The following MYBPH variants were observed in gnomAD, a reference collection of about 807,000 sequenced individuals.
MYBPH encodes the protein myosin-binding protein H.
A neutral mutation model predicts 53.6 loss-of-function variants in MYBPH; 49 were observed. That is an observed-to-expected ratio of 0.91 (90% CI 0.73 to 1.16). The LOEUF is 1.16. MYBPH is among the 50% of genes most tolerant of loss of function. The pLI, the probability that MYBPH is intolerant of heterozygous loss-of-function variation, is 0.00. For missense variants in MYBPH, 558 were observed against 624.1 expected (o/e 0.89, Z 1.13); for synonymous variants, 239 against 249.6 (o/e 0.96, Z 0.40).
rs561615786 is a variant in MYBPH at position 203,173,335 on chromosome 1, A to C, written c.508+1095T>G. On this transcript the variant is annotated intron_variant, in intron 3 of 10. Transcript: ENST00000255416. The stretch of plus-strand genomic sequence containing the variant: ...CAGCTGCCTGGTGGGGCCACATCTC[A>C]CCTAGAGCCAAAGGCTGGGAATTAG... 2.0e-5 allele frequency among the ~76,000 whole-genome samples: 3 copies of C among 152,220 alleles called. No individual in the cohort carries two copies. The East Asian group carries it at 5.8e-4, about 29-fold the overall frequency.
At chr1:203,177,755 C>T (rs1198570948), upstream of MYBPH, among the ~76,000 whole-genome samples, 1 of 152,248 alleles carries the variant, frequency 6.6e-6, no homozygotes, top group Non-Finnish European at 1.5e-5. Context: ...GTTGGCTGCC[C>T]ACAAGGGCTT....
chr1:203,176,120 GA>G (rs768136277), upstream of MYBPH, among the ~76,000 whole-genome samples: 4 of 152,216 alleles, frequency 2.6e-5, no homozygotes, highest in Non-Finnish European at 5.9e-5. Flanking sequence ...ATAGGAGGAA[GA>G]ACTTCTATCT....
chr1:203,170,585 C>T, intron 6 of MYBPH, 135 bp from the exon 7 acceptor site: 1 of 1,195,436 alleles, frequency 8.4e-7, no homozygotes, highest in South Asian at 1.6e-5. Flanking sequence ...CTTTGGGCCT[C>T]AGGGACATTG....
chr1:203,171,307 C>T lies in MYBPH; in HGVS notation c.793+76G>A, dbSNP rs1655690704. ...CCACACTCCCTTGGCCTGCTCCCATCAGCCATCAGCTCTGGGATAGGAGGT... is the reference window on the plus strand; with the variant it reads ...CCACACTCCCTTGGCCTGCTCCCATTAGCCATCAGCTCTGGGATAGGAGGT... On this transcript the variant is annotated intron_variant, in intron 5 of 10. Coordinates refer to ENST00000255416, the MANE Select transcript of MYBPH (RefSeq NM_004997.3). The surrounding 1 kb of genome is among the most constrained non-coding windows in gnomAD (Gnocchi z 4.2). 13 of 1,562,676 alleles carry T rather than the reference C, an allele frequency of 8.3e-6. No homozygotes were observed. In the East Asian group the frequency reaches 2.3e-4, roughly 27 times the overall value.
chr1:203,169,180 C>G, intron 8 of MYBPH, 73 bp downstream of exon 8: 11 of 1,577,130 alleles, frequency 7.0e-6, no homozygotes, highest in African/African-American at 1.3e-5. Flanking sequence ...TGTGGACGCC[C>G]GGAGGATTCC....
chr1:203,174,515 G>A lies in MYBPH; in HGVS notation c.423C>T (p.Phe141=). 2 of 1,613,628 alleles carry A rather than the reference G, an allele frequency of 1.2e-6. No individual in the cohort carries two copies. Among genetic ancestry groups the A allele is most frequent in the Middle Eastern group, 1.7e-4 (1 of 6,060 alleles). ...TVRNLALGDK[F]LLRVSAVSSA... Reference sequence around the variant, plus strand: ...AACTCACTGCAGACACGCGCAGGAGGAACTTGTCTCCCAGAGCCAGGTTCC... The same window carrying A: ...AACTCACTGCAGACACGCGCAGGAGAAACTTGTCTCCCAGAGCCAGGTTCC... The change falls in exon 3 of 11, where the codon TTC becomes TTT. Residue 141 remains phenylalanine (F), a synonymous_variant. Transcript: ENST00000255416.
At chr1:203,174,636 G>A (rs1365122762) in intron 2 of MYBPH, 39 bp from the exon 3 acceptor site, 5 of 1,501,012 alleles carry the variant, frequency 3.3e-6, no homozygotes, top group Admixed American at 4.0e-5. Flanking sequence ...TTGCAATGTG[G>A]CCACAGGCGC....
intron 2 of MYBPH, 118 bp downstream of exon 2, chr1:203,175,209 G>A (rs905276948): frequency 8.6e-6 from 11 of 1,280,480 alleles, no homozygotes; most frequent in South Asian, 5.6e-5. Context: ...CCTACTGCTC[G>A]CATCCCCTCC....
rs752945118 is a variant in MYBPH, at chr1:203,169,367, C to A, written c.1116G>T (p.Gly372=). 8 of 1,587,516 alleles carry A rather than the reference C, an allele frequency of 5.0e-6. No homozygotes were observed. The African/African-American group carries it at 1.1e-4, about 21-fold the overall frequency. ...QKADIAAKPK[G]FIERDFSEAP... The stretch of plus-strand genomic sequence containing the variant: ...CTTCTGAGAAGTCTCGCTCAATAAA[C>A]CCTTTAGGTTTGGCAGCAATATCTG... Residue 372 remains glycine, a synonymous_variant, in exon 8 of 11, where the codon GGG becomes GGT. Coordinates refer to ENST00000255416, the MANE Select transcript of MYBPH (RefSeq NM_004997.3).
chr1:203,175,231 T>C (rs1251185056), intron 2 of MYBPH, 96 bp downstream of exon 2: 2 of 1,455,602 alleles, frequency 1.4e-6, no homozygotes, highest in Non-Finnish European at 1.8e-6. Context: ...TCTGTATCTC[T>C]CCCAGACTGA....
upstream of MYBPH, among the ~76,000 whole-genome samples, chr1:203,176,864 C>T (rs538276531): frequency 2.8e-4 from 42 of 152,240 alleles, no homozygotes; most frequent in African/African-American, 8.7e-4. Context: ...CCAGCCGTGC[C>T]GCTCATATAA....
chr1:203,170,581 G>T, intron 6 of MYBPH, 131 bp from the exon 7 acceptor site: 4 of 1,222,264 alleles, frequency 3.3e-6, no homozygotes, highest in Non-Finnish European at 4.5e-6. Flanking sequence ...CCAGCTTTGG[G>T]CCTCAGGGAC....
At chr1:203,176,956 G>T (rs554276886), upstream of MYBPH, among the ~76,000 whole-genome samples, 1 of 152,308 alleles carries the variant, frequency 6.6e-6, no homozygotes, top group East Asian at 1.9e-4. Context: ...GGGGAAAACA[G>T]CTGTCCCTCA....
Position 203,171,399 on chromosome 1 carries a change from A to T in MYBPH, c.777T>A (p.Ile259=). ...GCTCCATACCAATCACCAGGATGTCAATGACTGCCTTGGCCTCCAGGTCTT... is the reference window on the plus strand; with the variant it reads ...GCTCCATACCAATCACCAGGATGTCTATGACTGCCTTGGCCTCCAGGTCTT... ...RVEDLEAKAV[I]DILVIEKPGP... The change falls in exon 5 of 11, where the codon ATT becomes ATA. Residue 259 remains isoleucine (I), a synonymous_variant. Coordinates refer to ENST00000255416, the MANE Select transcript of MYBPH (RefSeq NM_004997.3). The surrounding 1 kb of genome is among the most constrained non-coding windows in gnomAD (Gnocchi z 4.2). 2.5e-6 allele frequency: 4 copies of T among 1,613,294 alleles called. No individual in the cohort carries two copies. The highest frequency in any genetic ancestry group is 3.4e-6 in the Non-Finnish European group (4 of 1,179,652).
upstream of MYBPH, among the ~76,000 whole-genome samples, chr1:203,176,281 C>G (rs61821143): frequency 0.2 from 31,180 of 152,138 alleles, 3,823 homozygotes; most frequent in Non-Finnish European, 0.28. Context: ...TCCACATTCC[C>G]TGGGCTCCCA....
chr1:203,169,793 C>G (rs964596103), intron 7 of MYBPH, among the ~76,000 whole-genome samples: 1 of 152,184 alleles, frequency 6.6e-6, no homozygotes, highest in Non-Finnish European at 1.5e-5. Context: ...GGCCTTGGGG[C>G]ACACAAGGGA....
Position 203,175,534 on chromosome 1 carries a change from G to A in MYBPH, c.205+17C>T, listed in dbSNP as rs751830648. On this transcript the variant is annotated intron_variant, in intron 1 of 10. Transcript: ENST00000255416. ...ACATGCCTGCCTCCCTCCTCCCCCT[G>A]CCCCACCTTCAGTCACCTTCACTTG... The A allele has an allele frequency of 3.0e-5, 48 of 1,613,082 alleles. No individual in the cohort carries two copies. Among genetic ancestry groups the A allele is most frequent in the Non-Finnish European group, 3.9e-5 (46 of 1,179,516 alleles).
Position 203,175,558 on chromosome 1 carries a change from T to TG in MYBPH, c.197dup (p.Ser67LysfsTer2). The TG allele has an allele frequency of 1.9e-6, 3 of 1,613,522 alleles. No homozygotes were observed. Among genetic ancestry groups the TG allele is most frequent in the South Asian group, 1.1e-5 (1 of 91,064 alleles). ...TGCCCCACCTTCAGTCACCTTCACT[T>TG]GGGGGTGCAGGCTTAGTGGCTGTGG... is the stretch of plus-strand genomic sequence containing the variant. On this transcript the variant is annotated frameshift_variant, in exon 1 of 11. Coordinates refer to ENST00000255416, the MANE Select transcript of MYBPH (RefSeq NM_004997.3). LOFTEE classifies it high-confidence loss of function.
chr1:203,176,702 A>G (rs977652509), upstream of MYBPH, among the ~76,000 whole-genome samples: 2 of 152,154 alleles, frequency 1.3e-5, no homozygotes, highest in African/African-American at 4.8e-5. Context: ...AAATGTTAAG[A>G]CTGGGAATCA....
Sources: allele counts gnomAD v4.1 joint callset (sites outside exome capture counted in the v4.1 genomes callset), GRCh38; gene constraint gnomAD v4.1.1; non-coding constraint Gnocchi (gnomAD v3.1); transcripts MANE v1.5; gene names NCBI Gene and HGNC (gene_info 2026-07-23, HGNC 2026-07-21).